Variants in BFAR observed in about 807,000 individuals in gnomAD.
BFAR encodes the protein bifunctional apoptosis regulator.
A neutral mutation model predicts 54.4 loss-of-function variants in BFAR; 52 were observed. That is an observed-to-expected ratio of 0.96 (90% CI 0.77 to 1.21). The LOEUF (loss-of-function observed/expected upper bound fraction) is 1.21. Ranked by LOEUF, BFAR falls within the 50% of genes most tolerant of loss-of-function variation. The pLI is 0.00. For synonymous variants in BFAR, 215 were observed against 204.3 expected (o/e 1.05, Z -0.45); for missense variants, 571 against 534.0 (o/e 1.07, Z -0.68).
In BFAR at chr16:14,644,282, T is replaced by C. The variant is rs927435681; in HGVS notation, c.-65T>C. 6.8e-7 allele frequency: 1 copy of C among 1,471,960 alleles called. No individual in the cohort carries two copies. Among genetic ancestry groups the C allele is most frequent in the African/African-American group, 1.4e-5 (1 of 70,518 alleles). The allele number at this position is 1,471,960 out of a possible 1,614,324, so 91.2% of individuals were successfully genotyped here. The stretch of plus-strand genomic sequence containing the variant: ...CTGTTTTTTTTTTCTAGATTAATGA[T>C]GTTTTGCAGCAGTTTTCTACGTCTG... On this transcript the variant is annotated 5_prime_UTR_variant, in exon 2 of 8. It removes an upstream start codon present in the reference 5' UTR. Transcript: ENST00000261658.
In BFAR at chr16:14,644,522, C is replaced by T. The variant is rs952726226; in HGVS notation, c.176C>T (p.Ala59Val). Residue 59 changes from alanine to valine, a missense_variant, in exon 2 of 8, where the codon GCT becomes GTT. Coordinates refer to ENST00000261658, the MANE Select transcript of BFAR (RefSeq NM_016561.3). Reference sequence around the variant, plus strand: ...CACAGCTTCTGCCGTCACTGCCTTGCTTTATGGTGGGCATCTTCAAAGAAA... The same window carrying T: ...CACAGCTTCTGCCGTCACTGCCTTGTTTTATGGTGGGCATCTTCAAAGAAA... ...CGHSFCRHCL[A>V]LWWASSKKTE... 29 of 1,613,958 alleles carry T rather than the reference C, an allele frequency of 1.8e-5. No individual in the cohort carries two copies. Among genetic ancestry groups the T allele is most frequent in the Non-Finnish European group, 1.6e-5 (19 of 1,179,990 alleles).
intron 2 of BFAR, among the ~76,000 whole-genome samples, chr16:14,648,052 C>T (rs1440258877): frequency 3.3e-5 from 5 of 151,900 alleles, no homozygotes. Flanking sequence ...CCAGCCTGGG[C>T]AACATAGTGA....
At chr16:14,637,337 A>G (rs1054435261) in intron 1 of BFAR, among the ~76,000 whole-genome samples, 1 of 152,136 alleles carries the variant, frequency 6.6e-6, no homozygotes, top group Non-Finnish European at 1.5e-5. Flanking sequence ...CGTATTAGGA[A>G]GACAGGCTTT....
At chr16:14,655,348 GTCCTT>G in intron 5 of BFAR, 138 bp downstream of exon 5, 1 of 799,946 alleles carries the variant, frequency 1.3e-6, no homozygotes, top group Non-Finnish European at 1.7e-6. Flanking sequence ...TTGAGACAGA[GTCCTT>G]CTCTGTCGCC....
rs781267226 is a variant in BFAR at position 14,655,183 on chromosome 16, G to GC, written c.763dup (p.Gln255ProfsTer7). 45 of 1,552,692 alleles carry GC rather than the reference G, an allele frequency of 2.9e-5. No homozygotes were observed. The highest frequency in any genetic ancestry group is 7.6e-5 in the South Asian group (6 of 79,192). On this transcript the variant is annotated frameshift_variant, in exon 5 of 8. Coordinates refer to ENST00000261658, the MANE Select transcript of BFAR (RefSeq NM_016561.3). LOFTEE classifies it high-confidence loss of function. ...AACGTGTCAAAGCATTAGGCGTGAA[G>GC]CCCCCCCAGAATCTCTGGGAATATA...
chr16:14,644,301 A>T lies in BFAR; in HGVS notation c.-46A>T, dbSNP rs1191961000. 1 of 1,558,852 alleles carries T rather than the reference A, an allele frequency of 6.4e-7. No homozygotes were observed. Among genetic ancestry groups the T allele is most frequent in the Non-Finnish European group, 8.7e-7 (1 of 1,145,894 alleles). On this transcript the variant is annotated 5_prime_UTR_variant, in exon 2 of 8. Transcript: ENST00000261658. ...TAATGATGTTTTGCAGCAGTTTTCT[A>T]CGTCTGAAATTTTTTATGTCTCTGG...
intron 6 of BFAR, among the ~76,000 whole-genome samples, chr16:14,662,744 C>G (rs888687902): frequency 2.6e-5 from 4 of 152,130 alleles, no homozygotes; most frequent in Admixed American, 1.3e-4. Flanking sequence ...TCTTGAACTC[C>G]TGAATTCAAA....
intron 6 of BFAR, among the ~76,000 whole-genome samples, chr16:14,662,461 C>T (rs891960561): frequency 1.3e-5 from 2 of 152,154 alleles, no homozygotes; most frequent in Admixed American, 1.3e-4. Context: ...ATTACCCAGT[C>T]TCCACTTGCT....
chr16:14,637,539 A>G (rs966453490), intron 1 of BFAR, among the ~76,000 whole-genome samples: 2 of 152,168 alleles, frequency 1.3e-5, no homozygotes, highest in African/African-American at 4.8e-5. Context: ...GCCTCCGTAA[A>G]TATTAATAAT....
intron 5 of BFAR, among the ~76,000 whole-genome samples, chr16:14,660,672 A>G (rs1203360209): frequency 8.5e-5 from 12 of 140,866 alleles, no homozygotes; most frequent in Non-Finnish European, 1.5e-5. Flanking sequence ...AGACCGAGGC[A>G]GGTGGATCAC....
At chr16:14,633,937 G>GCCCTCA (rs989503415) in intron 1 of BFAR, among the ~76,000 whole-genome samples, 2 of 152,246 alleles carry the variant, frequency 1.3e-5, no homozygotes, top group Non-Finnish European at 2.9e-5. Context: ...ACAGGCGTGA[G>GCCCTCA]CCACCGCGCC....
Position 14,649,974 on chromosome 16 carries a change from G to C in BFAR, c.638+1G>C. ...TTTTATCTGAACGAGTAAATGGAAG[G>C]TGAGGAGCAAAGTCTTCTGACACAC... On this transcript the variant is annotated splice_donor_variant, in intron 4 of 7. Coordinates refer to ENST00000261658, the MANE Select transcript of BFAR (RefSeq NM_016561.3). LOFTEE classifies it high-confidence loss of function. 1 of 1,604,526 alleles carries C rather than the reference G, an allele frequency of 6.2e-7. No individual in the cohort carries two copies. The highest frequency in any genetic ancestry group is 8.5e-7 in the Non-Finnish European group (1 of 1,174,294).
intron 5 of BFAR, among the ~76,000 whole-genome samples, chr16:14,657,490 C>T (rs571664722): frequency 1.5e-4 from 23 of 152,026 alleles, no homozygotes; most frequent in Middle Eastern, 6.8e-3. Flanking sequence ...CCTTGTGATC[C>T]GCCTGCCTCG....
At chr16:14,635,725 T>C (rs964367887) in intron 1 of BFAR, among the ~76,000 whole-genome samples, 1 of 151,988 alleles carries the variant, frequency 6.6e-6, no homozygotes, top group African/African-American at 2.4e-5. Flanking sequence ...AAACTCAATG[T>C]TTTATACAGT....
At chr16:14,644,162 C>CAAAA (rs368944439) in intron 1 of BFAR, 112 bp from the exon 2 acceptor site, 8 of 505,334 alleles carry the variant, frequency 1.6e-5, no homozygotes, top group Admixed American at 4.3e-5. Flanking sequence ...GACTGTGTCT[C>CAAAA]AAAAAAAAAA....
intron 5 of BFAR, among the ~76,000 whole-genome samples, chr16:14,655,595 G>A (rs1277409378): frequency 6.6e-6 from 1 of 151,548 alleles, no homozygotes; most frequent in African/African-American, 2.4e-5. Flanking sequence ...CACCACACCA[G>A]GCTAATGTTT....
At chr16:14,664,483 A>T (rs1960383435) in intron 6 of BFAR, among the ~76,000 whole-genome samples, 1 of 151,872 alleles carries the variant, frequency 6.6e-6, no homozygotes, top group African/African-American at 2.4e-5. Context: ...GTGGTAATCA[A>T]TGTAGAACTC....
At chr16:14,653,576 C>T (rs1034990727) in intron 4 of BFAR, among the ~76,000 whole-genome samples, 34 of 152,098 alleles carry the variant, frequency 2.2e-4, no homozygotes, top group African/African-American at 8.0e-4. Flanking sequence ...TCTACCTGTG[C>T]CTCAGCCTCC....
rs1290662665 is a variant in BFAR, at chr16:14,648,565, T to C, written c.441T>C (p.Gly147=). ...NQQMGGGFFS[G]VLTALTGVAV... is the part of the protein sequence containing the mutation. ...AGATGGGAGGGGGATTCTTTTCCGG[T>C]GTGCTCACAGCTTTAACTGGAGTGG... is the stretch of plus-strand genomic sequence containing the variant. Residue 147 remains glycine, a synonymous_variant, in exon 3 of 8, where the codon GGT becomes GGC. Coordinates refer to ENST00000261658, the MANE Select transcript of BFAR (RefSeq NM_016561.3). The C allele has an allele frequency of 2.5e-6, 4 of 1,613,946 alleles. No homozygotes were observed. The African/African-American group carries it at 4.0e-5, about 16-fold the overall frequency.
Sources: allele counts gnomAD v4.1 joint callset (sites outside exome capture counted in the v4.1 genomes callset), GRCh38; gene constraint gnomAD v4.1.1; transcripts MANE v1.5; gene names NCBI Gene and HGNC (gene_info 2026-07-23, HGNC 2026-07-21).